SGF29: variants seen among roughly 807,000 people sequenced by gnomAD.
The protein encoded by SGF29 is SAGA complex associated factor 29.
A neutral mutation model predicts 38.1 loss-of-function variants in SGF29; 15 were observed. The ratio of observed to expected loss-of-function variants is 0.39; its 90% CI spans 0.26 to 0.61. The LOEUF is 0.61. Among genes scored for constraint, SGF29 ranks in the 20% least tolerant of loss-of-function variants. The pLI is 0.49. For missense variants in SGF29, 184 were observed against 394.6 expected (o/e 0.47, Z 4.52); for synonymous variants, 151 against 160.8 (o/e 0.94, Z 0.46).
intron 1 of SGF29, among the ~76,000 whole-genome samples, chr16:28,575,794 C>A (rs2151648482): frequency 6.6e-6 from 1 of 152,286 alleles, no homozygotes; most frequent in East Asian, 1.9e-4. Context: ...CCGTTAGGGA[C>A]ACACAAATCA....
chr16:28,588,288 C>G (rs1192989126), intron 4 of SGF29, among the ~76,000 whole-genome samples: 1 of 152,170 alleles, frequency 6.6e-6, no homozygotes, highest in Admixed American at 6.6e-5. Context: ...TGGGTTCAGC[C>G]TTTCAGAAAG....
In SGF29 at chr16:28,591,723, C is replaced by T. The variant is rs769436298; in HGVS notation, c.*17C>T. The T allele has an allele frequency of 3.2e-6, 5 of 1,570,838 alleles. No individual in the cohort carries two copies. Among genetic ancestry groups the T allele is most frequent in the Middle Eastern group, 1.7e-4 (1 of 5,990 alleles). ...AAAAAGTGATGCCGCCTGGCAGACTCGCCATCCCCCAACGACACAGGGCAG... is the reference window on the plus strand; with the variant it reads ...AAAAAGTGATGCCGCCTGGCAGACTTGCCATCCCCCAACGACACAGGGCAG... On this transcript the variant is annotated 3_prime_UTR_variant, in exon 10 of 10. Transcript: ENST00000317058.
chr16:28,566,013 C>T (rs1340127913), intron 1 of SGF29, among the ~76,000 whole-genome samples: 2 of 151,766 alleles, frequency 1.3e-5, no homozygotes, highest in Non-Finnish European at 2.9e-5. Context: ...GTGGCTCACG[C>T]CTGTAATCCC....
chr16:28,557,209 T>C (rs2046758019), intron 1 of SGF29, among the ~76,000 whole-genome samples: 1 of 152,354 alleles, frequency 6.6e-6, no homozygotes, highest in South Asian at 2.1e-4. Flanking sequence ...TCCCTCAGAA[T>C]TGGCTATCTC....
chr16:28,590,577 C>T lies in SGF29; in HGVS notation c.567-54C>T. On this transcript the variant is annotated intron_variant, in intron 7 of 9. Transcript: ENST00000317058. This position sits in a 1 kb window ranked among gnomAD's most constrained non-coding sequence, Gnocchi z 8.2. ...CAGGTCCTCCCCCATCCTCACTCCC[C>T]AACAGGTACTGCGCCCCTGGCTGCA... The T allele has an allele frequency of 3.1e-6, 5 of 1,612,642 alleles. No individual in the cohort carries two copies. The South Asian group carries it at 5.5e-5, about 18-fold the overall frequency.
Position 28,590,489 on chromosome 16 carries a change from C to G in SGF29, c.566+47C>G. ...GCTGCTCTCTGGTCACCGAACTTGC[C>G]TGGGCTACGGGAGAAAAGCTCTGCA... On this transcript the variant is annotated intron_variant, in intron 7 of 9. Transcript: ENST00000317058. This position sits in a 1 kb window ranked among gnomAD's most constrained non-coding sequence, Gnocchi z 8.2. The G allele has an allele frequency of 6.2e-7, 1 of 1,613,792 alleles. No individual in the cohort carries two copies. The highest frequency in any genetic ancestry group is 8.5e-7 in the Non-Finnish European group (1 of 1,179,838).
intron 1 of SGF29, among the ~76,000 whole-genome samples, chr16:28,556,600 G>A (rs2046753549): frequency 6.6e-6 from 1 of 152,128 alleles, no homozygotes; most frequent in South Asian, 2.1e-4. Context: ...GCCGGCCTTG[G>A]CCTCCCAAAG....
rs1224406274 is a variant in SGF29 at position 28,591,607 on chromosome 16, G to A, written c.783G>A (p.Ser261=). ...CCCCACAGCCCCAGGATGACTACTC[G>A]GTCCTGTTTGAAGACACCTCCTATG... ...APPQRPQDDY[S]VLFEDTSYAD... The change falls in exon 10 of 10, where the codon TCG becomes TCA. Residue 261 remains serine (S), a synonymous_variant. Transcript: ENST00000317058. The A allele has an allele frequency of 3.1e-6, 5 of 1,613,674 alleles. No individual in the cohort carries two copies. The highest frequency in any genetic ancestry group is 2.2e-5 in the South Asian group (2 of 91,072).
At position 28,590,198 on chromosome 16, in the gene SGF29, C is replaced by G. The variant is rs1279501886; in HGVS notation, c.392C>G (p.Pro131Arg). Reference sequence around the variant, plus strand: ...CTGCAGCAGTCGGCCATGACCCTGCCCCTGTGGATCGGGAAGCCTGGTGAC... The same window carrying G: ...CTGCAGCAGTCGGCCATGACCCTGCGCCTGTGGATCGGGAAGCCTGGTGAC... ...TLLQQSAMTL[P>R]LWIGKPGDKP... Residue 131 changes from proline (P) to arginine (R), a missense_variant, in exon 6 of 10, where the codon CCC (proline) becomes CGC (arginine). Pro to Arg is a moderately radical substitution (Grantham distance 103). Transcript: ENST00000317058. This position sits in a 1 kb window ranked among gnomAD's most constrained non-coding sequence, Gnocchi z 8.2. 1 of 1,610,936 alleles carries G rather than the reference C, an allele frequency of 6.2e-7. No homozygotes were observed. The highest frequency in any genetic ancestry group is 2.2e-5 in the East Asian group (1 of 44,750).
intron 1 of SGF29, among the ~76,000 whole-genome samples, chr16:28,572,919 C>CT (rs1195913713): frequency 6.6e-6 from 1 of 152,056 alleles, no homozygotes; most frequent in Non-Finnish European, 1.5e-5. Context: ...CTCCGTGTCA[C>CT]TTTCCTCCAT....
At chr16:28,583,714 G>A (rs1177452922) in intron 2 of SGF29, among the ~76,000 whole-genome samples, 1 of 152,158 alleles carries the variant, frequency 6.6e-6, no homozygotes, top group Admixed American at 6.5e-5. Flanking sequence ...ATACCTGTAT[G>A]TGTCTATTTC....
At chr16:28,569,832 T>C in intron 1 of SGF29, among the ~76,000 whole-genome samples, 1 of 152,074 alleles carries the variant, frequency 6.6e-6, no homozygotes, top group East Asian at 1.9e-4. Flanking sequence ...GCCCAGGGTG[T>C]TGGGGGCAGA....
chr16:28,579,130 C>A (rs1250109788), intron 1 of SGF29, among the ~76,000 whole-genome samples: 1 of 151,844 alleles, frequency 6.6e-6, no homozygotes, highest in African/African-American at 2.4e-5. Context: ...AAAATTTTAG[C>A]ACTGTAAAAA....
At chr16:28,587,021 AT>A (rs1432859428) in intron 4 of SGF29, among the ~76,000 whole-genome samples, 1 of 151,852 alleles carries the variant, frequency 6.6e-6, no homozygotes, top group South Asian at 2.1e-4. Flanking sequence ...TAATTTTTGT[AT>A]TTTTTGTAGA....
chr16:28,563,621 T>G (rs1335568649), intron 1 of SGF29, among the ~76,000 whole-genome samples: 1 of 152,174 alleles, frequency 6.6e-6, no homozygotes, highest in Admixed American at 6.6e-5. Context: ...ATAGGAGATT[T>G]CGTTGTATTT....
chr16:28,576,426 C>T (rs775034852), intron 1 of SGF29, among the ~76,000 whole-genome samples: 11 of 152,040 alleles, frequency 7.2e-5, no homozygotes, highest in Non-Finnish European at 1.5e-4. Context: ...AAGGGCCGGG[C>T]GCAGTGGCTC....
intron 1 of SGF29, among the ~76,000 whole-genome samples, chr16:28,567,090 T>G (rs893986759): frequency 1.1e-4 from 17 of 152,356 alleles, no homozygotes; most frequent in Non-Finnish European, 2.1e-4. Flanking sequence ...TATTATTTTT[T>G]TAAGGCTTTA....
chr16:28,581,542 C>CT (rs566141026), intron 2 of SGF29, among the ~76,000 whole-genome samples: 242 of 148,834 alleles, frequency 1.6e-3, no homozygotes, highest in African/African-American at 5.4e-3. Context: ...CAAAAACACT[C>CT]TTTTTTTTTT....
chr16:28,589,974 C>A, intron 5 of SGF29, 122 bp from the exon 6 acceptor site: 1 of 1,374,764 alleles, frequency 7.3e-7, no homozygotes, highest in Non-Finnish European at 9.7e-7. Flanking sequence ...TCCTGCTGGG[C>A]CCTCGGGCTC....
Sources: gnomAD v4.1 joint callset for allele counts (sites outside exome capture counted in the v4.1 genomes callset) on GRCh38, gnomAD v4.1.1 for gene constraint, Gnocchi (gnomAD v3.1) non-coding constraint, MANE v1.5 for transcripts, NCBI Gene and HGNC (gene_info 2026-07-23, HGNC 2026-07-21) for gene names.